FAT3: variants seen among roughly 807,000 people sequenced by gnomAD.
The protein encoded by FAT3 is FAT atypical cadherin 3, also known as protocadherin Fat 3.
In FAT3, 95 loss-of-function variants were observed where a neutral mutation model predicts 310.2. That is an observed-to-expected ratio of 0.31 (90% confidence interval 0.26 to 0.36). The LOEUF is 0.36. Among genes scored for constraint, FAT3 ranks in the 10% least tolerant of loss-of-function variants. The pLI is 1.00. For missense variants in FAT3, 5,408 were observed against 5,715.6 expected, an observed-to-expected ratio of 0.95 and a Z score of 1.74; for synonymous variants, 2,314 against 2,192.9, an observed-to-expected ratio of 1.06 and a Z score of -1.54.
chr11:92,833,880 G>T (rs1265090162), intron 14 of FAT3, among the ~76,000 whole-genome samples: 3 of 152,184 alleles, frequency 2.0e-5, no homozygotes, highest in African/African-American at 7.2e-5. Flanking sequence ...AGCACTAGGG[G>T]TGGTAAGTTC....
In FAT3 at chr11:92,354,610, A is replaced by C; in HGVS notation, c.2498A>C (p.Gln833Pro). Residue 833 changes from glutamine (Q) to proline (P), a missense_variant, in exon 2 of 28, where the codon CAA (glutamine) becomes CCA (proline). Coordinates refer to ENST00000525166, the MANE Select transcript of FAT3 (RefSeq NM_001367949.2). The stretch of plus-strand genomic sequence containing the variant: ...AATGACAATAGCCCAGTTTTTATTC[A>C]AGACAGTTACTCAGTTAACATTCTT... Reference protein sequence around the residue: ...DANDNSPVFIQDSYSVNILES... With the variant: ...DANDNSPVFIPDSYSVNILES... 3 of 1,613,822 alleles carry C rather than the reference A, an allele frequency of 1.9e-6. 1 individual carries two copies. The South Asian group carries it at 3.3e-5, about 18-fold the overall frequency.
chr11:92,445,523 G>A lies in FAT3; in HGVS notation c.3293-79111G>A, dbSNP rs538681382. Among the ~76,000 whole-genome samples, 6 of 152,170 alleles carry A rather than the reference G, an allele frequency of 3.9e-5. No homozygotes were observed. The South Asian group carries it at 1.2e-3, about 32-fold the overall frequency. On this transcript the variant is annotated intron_variant, in intron 2 of 27. Transcript: ENST00000525166. Reference sequence around the variant, plus strand: ...GAAGCACATTACTCAGAGAACAGAGGGAGCCAACCCATATGGATCAATAAT... The same window carrying A: ...GAAGCACATTACTCAGAGAACAGAGAGAGCCAACCCATATGGATCAATAAT...
intron 2 of FAT3, among the ~76,000 whole-genome samples, chr11:92,379,921 G>C (rs1282521649): frequency 6.6e-6 from 1 of 152,154 alleles, no homozygotes; most frequent in Non-Finnish European, 1.5e-5. Context: ...CAGAGTGGCT[G>C]TGAGGTAGAT....
intron 4 of FAT3, among the ~76,000 whole-genome samples, chr11:92,724,986 A>G (rs1460015956): frequency 1.3e-5 from 2 of 152,194 alleles, no homozygotes; most frequent in Non-Finnish European, 2.9e-5. Context: ...GCAATAAGAA[A>G]AGTTGAGGAG....
intron 1 of FAT3, among the ~76,000 whole-genome samples, chr11:92,306,630 TTATATTATATATATTATA>T (rs556726939): frequency 3.2e-5 from 4 of 124,724 alleles, no homozygotes; most frequent in African/African-American, 6.1e-5. Flanking sequence ...TATATTATAT[TTATATTATATATATTATA>T]TATATTATAT....
chr11:92,817,542 A>C (rs549320567), intron 13 of FAT3, among the ~76,000 whole-genome samples: 1 of 152,090 alleles, frequency 6.6e-6, no homozygotes, highest in African/African-American at 2.4e-5. Flanking sequence ...CTTGCTGTCT[A>C]TGTTGGGAAT....
chr11:92,836,471 C>A, intron 15 of FAT3, 95 bp from the exon 16 acceptor site: 3 of 1,433,728 alleles, frequency 2.1e-6, no homozygotes, highest in Admixed American at 2.2e-5. Flanking sequence ...AAAACTGTCA[C>A]AGCTGCACCC....
chr11:92,357,568 A>G (rs1329217290), intron 2 of FAT3, among the ~76,000 whole-genome samples: 1 of 152,144 alleles, frequency 6.6e-6, no homozygotes, highest in Non-Finnish European at 1.5e-5. Context: ...CTCTCCAGTG[A>G]TGAACTTAGC....
At chr11:92,589,292 G>C (rs753417768) in intron 3 of FAT3, among the ~76,000 whole-genome samples, 5 of 152,074 alleles carry the variant, frequency 3.3e-5, no homozygotes, top group Non-Finnish European at 7.4e-5. Context: ...GGTTTCCAGT[G>C]GGATGACCAT....
At chr11:92,585,389 T>C (rs975097808) in intron 3 of FAT3, among the ~76,000 whole-genome samples, 3 of 152,086 alleles carry the variant, frequency 2.0e-5, no homozygotes, top group Non-Finnish European at 4.4e-5. Context: ...GATTGGTAGA[T>C]ATGAAAATAT....
chr11:92,397,891 T>G (rs1226402757), intron 2 of FAT3, among the ~76,000 whole-genome samples: 1 of 151,952 alleles, frequency 6.6e-6, no homozygotes, highest in Non-Finnish European at 1.5e-5. Flanking sequence ...GGAATTAGAG[T>G]TTACATTATG....
chr11:92,668,135 G>A (rs759542215), intron 3 of FAT3, among the ~76,000 whole-genome samples: 1 of 152,214 alleles, frequency 6.6e-6, no homozygotes, highest in Non-Finnish European at 1.5e-5. Flanking sequence ...TGGAAGGCAA[G>A]ATACCAAAGT....
chr11:92,878,892 A>G (rs367909706), intron 22 of FAT3, among the ~76,000 whole-genome samples: 3 of 152,042 alleles, frequency 2.0e-5, no homozygotes, highest in Non-Finnish European at 4.4e-5. Context: ...TACCAAAGAA[A>G]TAATAAAAGA....
chr11:92,889,665 G>A (rs1185946909), intron 26 of FAT3, among the ~76,000 whole-genome samples, 191 bp from the exon 27 acceptor site: 2 of 152,188 alleles, frequency 1.3e-5, no homozygotes, highest in Admixed American at 1.3e-4. Context: ...TGGCATAAAT[G>A]TGATTTATCT....
chr11:92,353,127 T>A lies in FAT3; in HGVS notation c.1015T>A (p.Tyr339Asn), dbSNP rs868192962. The A allele has an allele frequency of 3.7e-6, 6 of 1,613,652 alleles. No individual in the cohort carries two copies. The highest frequency in any genetic ancestry group is 5.1e-6 in the Non-Finnish European group (6 of 1,179,836). ...GCAGATTGACTGGGAGAGCTTTCCC[T>A]ATGGCTACAATCTCACTCTTCAAGC... ...RKQIDWESFP[Y>N]GYNLTLQAKD... The change falls in exon 2 of 28, where the codon TAT (tyrosine) becomes AAT (asparagine). Residue 339 changes from tyrosine (Y) to asparagine (N), a missense_variant. Physicochemically the swap from Tyr to Asn is moderately radical, Grantham distance 143. Transcript: ENST00000525166.
chr11:92,645,690 T>C (rs770923692), intron 3 of FAT3, among the ~76,000 whole-genome samples: 9 of 152,254 alleles, frequency 5.9e-5, no homozygotes, highest in Non-Finnish European at 1.3e-4. Context: ...TGTGTGTGCA[T>C]AGAAATGCAG....
chr11:92,650,383 A>C (rs1021092180), intron 3 of FAT3, among the ~76,000 whole-genome samples: 1 of 152,018 alleles, frequency 6.6e-6, no homozygotes, highest in African/African-American at 2.4e-5. Flanking sequence ...CTACATACCT[A>C]TCCTTCTGTT....
intron 4 of FAT3, among the ~76,000 whole-genome samples, chr11:92,716,396 C>T (rs1405800157): frequency 6.6e-6 from 1 of 151,958 alleles, no homozygotes; most frequent in East Asian, 1.9e-4. Flanking sequence ...TCTCATTCGC[C>T]ATCAGTATAT....
chr11:92,831,403 T>A (rs1024614013), intron 13 of FAT3, among the ~76,000 whole-genome samples: 1 of 152,224 alleles, frequency 6.6e-6, no homozygotes, highest in Non-Finnish European at 1.5e-5. Flanking sequence ...ATTTCTGATA[T>A]TTGTTGCCAG....
Sources: gnomAD v4.1 joint callset for allele counts (sites outside exome capture counted in the v4.1 genomes callset) on GRCh38, gnomAD v4.1.1 for gene constraint, MANE v1.5 for transcripts, NCBI Gene and HGNC (gene_info 2026-07-23, HGNC 2026-07-21) for gene names.